CACNA2D1: variants seen among roughly 807,000 people sequenced by gnomAD.
CACNA2D1 encodes calcium voltage-gated channel auxiliary subunit alpha2delta 1.
Under a neutral mutation model 171.5 loss-of-function variants are expected in CACNA2D1, and 53 were observed. That is an observed-to-expected ratio of 0.31 (90% confidence interval 0.25 to 0.39). The LOEUF is 0.39. CACNA2D1 is among the 10% of genes least tolerant of loss of function. CACNA2D1 has a pLI of 1.00. For missense variants in CACNA2D1, 903 were observed against 1,299.8 expected (o/e 0.69, Z 4.69); for synonymous variants, 442 against 443.1 (o/e 1.00, Z 0.03).
intron 4 of CACNA2D1, among the ~76,000 whole-genome samples, chr7:82,162,512 C>A (rs1235224907): frequency 6.6e-6 from 1 of 151,964 alleles, no homozygotes; most frequent in Non-Finnish European, 1.5e-5. Flanking sequence ...CTGGTCATTC[C>A]TTTCAATTCC....
chr7:82,001,800 A>C (rs1798633226), intron 18 of CACNA2D1: 1 of 385,964 alleles, frequency 2.6e-6, no homozygotes, highest in Non-Finnish European at 4.7e-6. Context: ...TTCGTCAGAT[A>C]TTTCCTTGAT....
chr7:82,154,951 T>C (rs901375709), intron 4 of CACNA2D1, among the ~76,000 whole-genome samples: 8 of 152,214 alleles, frequency 5.3e-5, no homozygotes, highest in Non-Finnish European at 1.0e-4. Flanking sequence ...GACTGGATCA[T>C]GGGGCAGTTT....
intron 3 of CACNA2D1, among the ~76,000 whole-genome samples, chr7:82,248,855 C>T (rs1462183825): frequency 2.0e-5 from 3 of 151,862 alleles, no homozygotes; most frequent in African/African-American, 7.3e-5. Context: ...CGGTGGCTCA[C>T]GCCTCTAATC....
intron 4 of CACNA2D1, among the ~76,000 whole-genome samples, chr7:82,164,797 T>C (rs1795269369): frequency 6.7e-6 from 1 of 149,184 alleles, no homozygotes; most frequent in Non-Finnish European, 1.5e-5. Flanking sequence ...ATTGCAGTAA[T>C]TTGTAATGCT....
chr7:82,133,414 T>C (rs2129073129), intron 5 of CACNA2D1, among the ~76,000 whole-genome samples: 1 of 152,286 alleles, frequency 6.6e-6, no homozygotes, highest in South Asian at 2.1e-4. Context: ...TATTTGAATG[T>C]GTTAGATTAT....
intron 16 of CACNA2D1, among the ~76,000 whole-genome samples, chr7:82,006,050 AATC>A (rs1799085796): frequency 6.6e-6 from 1 of 151,952 alleles, no homozygotes; most frequent in Non-Finnish European, 1.5e-5. Context: ...TAGCAAAGAA[AATC>A]TAGATAATTG....
chr7:82,280,582 C>G (rs76097590), intron 3 of CACNA2D1, among the ~76,000 whole-genome samples: 1 of 152,134 alleles, frequency 6.6e-6, no homozygotes, highest in East Asian at 1.9e-4. Context: ...AATTTAGAAA[C>G]CAATTTAGGA....
At chr7:82,401,272 C>T (rs1314317625) in intron 1 of CACNA2D1, among the ~76,000 whole-genome samples, 1 of 151,962 alleles carries the variant, frequency 6.6e-6, no homozygotes, top group Non-Finnish European at 1.5e-5. Context: ...TTTATTGCAG[C>T]ACTATTCACA....
chr7:82,204,458 C>A (rs983788857), intron 3 of CACNA2D1, among the ~76,000 whole-genome samples: 3 of 152,140 alleles, frequency 2.0e-5, no homozygotes, highest in Non-Finnish European at 2.9e-5. Flanking sequence ...GCCCCAACAC[C>A]CTTAAAGGTA....
upstream of CACNA2D1, chr7:82,443,794 T>C: frequency 1.1e-6 from 1 of 930,964 alleles, no homozygotes; most frequent in Non-Finnish European, 1.4e-6. Context: ...CTCGGTTTCC[T>C]CCCTGATTTA....
intron 12 of CACNA2D1, among the ~76,000 whole-genome samples, chr7:82,030,117 T>G (rs539317902): frequency 4.1e-4 from 62 of 151,886 alleles, no homozygotes; most frequent in African/African-American, 1.4e-3. Context: ...AACCTTTGTT[T>G]AAAAAGTTGA....
At chr7:82,230,555 C>T (rs779880666) in intron 3 of CACNA2D1, among the ~76,000 whole-genome samples, 11 of 152,140 alleles carry the variant, frequency 7.2e-5, no homozygotes, top group African/African-American at 1.9e-4. Context: ...TAAAAAAACG[C>T]GCAAGAATCA....
At chr7:82,038,830 A>G (rs1426084337) in intron 10 of CACNA2D1, among the ~76,000 whole-genome samples, 1 of 152,182 alleles carries the variant, frequency 6.6e-6, no homozygotes, top group Non-Finnish European at 1.5e-5. Context: ...CTTGGAGGCA[A>G]GGTGATGGAG....
At chr7:82,429,375 A>AT (rs1829478765) in intron 1 of CACNA2D1, among the ~76,000 whole-genome samples, 1 of 152,154 alleles carries the variant, frequency 6.6e-6, no homozygotes, top group African/African-American at 2.4e-5. Context: ...TAGGGTAGAT[A>AT]TATAGAGGCA....
At position 82,139,798 on chromosome 7, in the gene CACNA2D1, T is replaced by A. The variant is rs529976683; in HGVS notation, c.355-3122A>T. Among the ~76,000 whole-genome samples the A allele has an allele frequency of 7.5e-4, 114 of 151,744 alleles. 1 individual carries two copies. The highest frequency in any genetic ancestry group is 2.7e-3 in the African/African-American group (113 of 41,384). On this transcript the variant is annotated intron_variant, in intron 4 of 38. Coordinates refer to ENST00000356860, the MANE Select transcript of CACNA2D1 (RefSeq NM_000722.4). The stretch of plus-strand genomic sequence containing the variant: ...GACATTTCCTTTTTTTTTTTTTTCT[T>A]TATTGAGATGAAGTCTCGCTCTATC...
intron 1 of CACNA2D1, among the ~76,000 whole-genome samples, chr7:82,398,890 T>C (rs564740851): frequency 1.1e-4 from 14 of 125,326 alleles, no homozygotes; most frequent in South Asian, 5.0e-4. Context: ...CATTCTCCCC[T>C]TTTTTTTTCC....
chr7:82,228,185 T>G (rs1277143468), intron 3 of CACNA2D1, among the ~76,000 whole-genome samples: 1 of 152,174 alleles, frequency 6.6e-6, no homozygotes, highest in Non-Finnish European at 1.5e-5. Flanking sequence ...GAGGATCTAG[T>G]AGTCAGAGAC....
intron 1 of CACNA2D1, among the ~76,000 whole-genome samples, chr7:82,403,726 C>A (rs576239969): frequency 3.9e-5 from 6 of 152,188 alleles, no homozygotes; most frequent in Non-Finnish European, 8.8e-5. Flanking sequence ...TATATGGATA[C>A]TACATCATGG....
rs141925294 is a variant in CACNA2D1 at position 82,099,875 on chromosome 7, A to G, written c.527-14975T>C. The stretch of plus-strand genomic sequence containing the variant: ...ATGTACAATTAATGACATTTACATC[A>G]TTTAAAAAGTAGTTCTACATGGACA... On this transcript the variant is annotated intron_variant, in intron 6 of 38. Coordinates refer to ENST00000356860, the MANE Select transcript of CACNA2D1 (RefSeq NM_000722.4). Among the ~76,000 whole-genome samples, 659 of 152,232 alleles carry G rather than the reference A, an allele frequency of 4.3e-3. 3 individuals are homozygous for G. The highest frequency in any genetic ancestry group is 0.015 in the East Asian group (76 of 5,162).
Sources: gnomAD v4.1 joint callset for allele counts (sites outside exome capture counted in the v4.1 genomes callset) on GRCh38, gnomAD v4.1.1 for gene constraint, MANE v1.5 for transcripts, NCBI Gene and HGNC (gene_info 2026-07-23, HGNC 2026-07-21) for gene names.